SMYD4: variants seen among roughly 807,000 people sequenced by gnomAD.
SMYD4 encodes protein-lysine N-methyltransferase SMYD4.
SMYD4 carries 68 observed loss-of-function variants against 72.8 expected under a neutral mutation model. The ratio of observed to expected loss-of-function variants is 0.93; its 90% CI spans 0.77 to 1.14. The LOEUF (loss-of-function observed/expected upper bound fraction) is 1.14. SMYD4 is among the 50% of genes most tolerant of loss of function. The pLI, the probability that SMYD4 is intolerant of heterozygous loss-of-function variation, is 0.00. For missense variants in SMYD4, 984 were observed against 1,003.7 expected, an observed-to-expected ratio of 0.98 and a Z score of 0.27; for synonymous variants, 407 against 388.6, an observed-to-expected ratio of 1.05 and a Z score of -0.56.
intron 5 of SMYD4, among the ~76,000 whole-genome samples, chr17:1,793,260 G>T (rs1053012718): frequency 2.0e-5 from 3 of 151,636 alleles, no homozygotes; most frequent in African/African-American, 7.2e-5. Flanking sequence ...CTGTATAGTT[G>T]CTAGAGATAT....
Position 1,800,257 on chromosome 17 carries a change from G to A in SMYD4, c.1137C>T (p.Ile379=). The A allele has an allele frequency of 6.2e-7, 1 of 1,614,140 alleles. No homozygotes were observed. The highest frequency in any genetic ancestry group is 8.5e-7 in the Non-Finnish European group (1 of 1,180,042). Residue 379 remains isoleucine (I), a synonymous_variant, in exon 5 of 11, where the codon ATC becomes ATT. Transcript: ENST00000305513. ...KLCDKISNKD[I]CLPESNNQVK... The stretch of plus-strand genomic sequence containing the variant: ...CCTGATTGTTGCTTTCAGGTAAACA[G>A]ATGTCCTTGTTACTAATCTTATCAC...
At chr17:1,816,447 C>T (rs1320579727) in intron 2 of SMYD4, among the ~76,000 whole-genome samples, 4 of 151,430 alleles carry the variant, frequency 2.6e-5, no homozygotes, top group Non-Finnish European at 4.4e-5. Context: ...GTGAAACCCC[C>T]GTCTCTACCA....
chr17:1,825,637 G>A (rs1019260386), intron 2 of SMYD4, among the ~76,000 whole-genome samples: 5 of 151,302 alleles, frequency 3.3e-5, no homozygotes, highest in Admixed American at 2.7e-4. Context: ...TCAGCCTCCT[G>A]AGTAGCTGGG....
chr17:1,794,025 GTA>G (rs1406458055), intron 5 of SMYD4, among the ~76,000 whole-genome samples: 65 of 84,776 alleles, frequency 7.7e-4, no homozygotes, highest in East Asian at 7.6e-4. Context: ...ATATATGTGT[GTA>G]TATATATATG....
At chr17:1,782,222 C>G (rs1284396329) in intron 10 of SMYD4, 1 of 152,176 alleles carries the variant, frequency 6.6e-6, no homozygotes, top group Admixed American at 6.6e-5. Context: ...AGCAGGGTTT[C>G]TCGACCCTGA....
chr17:1,787,612 G>T lies in SMYD4; in HGVS notation c.1538-8C>A. 6.4e-7 allele frequency: 1 copy of T among 1,572,648 alleles called. No individual in the cohort carries two copies. Among genetic ancestry groups the T allele is most frequent in the South Asian group, 1.2e-5 (1 of 85,164 alleles). ...CGATGCTCCCTTTAGGTCCTGAAAG[G>T]GCAAGAGGAAAGAAGGAAAAAGGTG... On this transcript the variant is annotated splice_region_variant and splice_polypyrimidine_tract_variant and intron_variant, in intron 5 of 10. Coordinates refer to ENST00000305513, the MANE Select transcript of SMYD4 (RefSeq NM_052928.3).
chr17:1,829,217 C>T (rs1335554590), intron 1 of SMYD4: 1 of 129,932 alleles, frequency 7.7e-6, no homozygotes, highest in Non-Finnish European at 1.7e-5. Context: ...CTTTCTAATT[C>T]TCAGGTGTCA....
chr17:1,818,614 A>T (rs1271305357), intron 2 of SMYD4, among the ~76,000 whole-genome samples: 1 of 152,060 alleles, frequency 6.6e-6, no homozygotes, highest in Admixed American at 6.6e-5. Context: ...GAATTTAGTT[A>T]TTTCTCTTTA....
In SMYD4 at chr17:1,799,869, T is replaced by G; in HGVS notation, c.1525A>C (p.Ile509Leu). The G allele has an allele frequency of 6.2e-7, 1 of 1,600,020 alleles. No homozygotes were observed. Among genetic ancestry groups the G allele is most frequent in the Non-Finnish European group, 8.5e-7 (1 of 1,171,026 alleles). ...LQCNAQAMTT[I>L]QHTGPKGSIV... ...GGTTCCCTCTTACCTGTGTGTTGTA[T>G]GGTGGTCATCGCCTGAGCGTTACAC... The change falls in exon 5 of 11, where the codon ATA (isoleucine) becomes CTA (leucine). Residue 509 changes from isoleucine to leucine, a missense_variant. Transcript: ENST00000305513.
At chr17:1,801,537 G>T (rs1909755946) in intron 4 of SMYD4, among the ~76,000 whole-genome samples, 1 of 146,462 alleles carries the variant, frequency 6.8e-6, no homozygotes. Context: ...ACTGCGCCCA[G>T]CCCCTGGATT....
intron 1 of SMYD4, among the ~76,000 whole-genome samples, chr17:1,828,751 T>C (rs1911346240): frequency 6.6e-6 from 1 of 151,878 alleles, no homozygotes; most frequent in Non-Finnish European, 1.5e-5. Flanking sequence ...TGCGCGCAAC[T>C]ACGCCCGGCT....
chr17:1,816,246 T>C (rs1407990555), intron 2 of SMYD4, among the ~76,000 whole-genome samples: 1 of 152,188 alleles, frequency 6.6e-6, no homozygotes, highest in Non-Finnish European at 1.5e-5. Context: ...TTTCCTTTTG[T>C]GTCTAACTTA....
intron 2 of SMYD4, among the ~76,000 whole-genome samples, chr17:1,824,786 A>AT (rs113568123): frequency 6.9e-4 from 102 of 148,768 alleles, no homozygotes; most frequent in African/African-American, 2.2e-3. Flanking sequence ...TGCCTGGCTA[A>AT]TTTTTTTTTT....
At chr17:1,806,696 T>C (rs1362308548) in intron 3 of SMYD4, among the ~76,000 whole-genome samples, 1 of 152,194 alleles carries the variant, frequency 6.6e-6, no homozygotes, top group Admixed American at 6.5e-5. Context: ...ATCCTCATTA[T>C]GCTGTTAGTG....
chr17:1,799,858 T>C lies in SMYD4; in HGVS notation c.1536A>G (p.Thr512=). 6.3e-7 allele frequency: 1 copy of C among 1,582,568 alleles called. No homozygotes were observed. Among genetic ancestry groups the C allele is most frequent in the Non-Finnish European group, 8.6e-7 (1 of 1,160,850 alleles). Residue 512 remains threonine (T), a splice_region_variant and synonymous_variant, in exon 5 of 11, where the codon ACA becomes ACG. Coordinates refer to ENST00000305513, the MANE Select transcript of SMYD4 (RefSeq NM_052928.3). ...NAQAMTTIQH[T]GPKGSIVTDS... ...CAGGAACATCAGGTTCCCTCTTACCTGTGTGTTGTATGGTGGTCATCGCCT... is the reference window on the plus strand; with the variant it reads ...CAGGAACATCAGGTTCCCTCTTACCCGTGTGTTGTATGGTGGTCATCGCCT...
At chr17:1,795,572 A>G (rs1597375599) in intron 5 of SMYD4, among the ~76,000 whole-genome samples, 1 of 152,024 alleles carries the variant, frequency 6.6e-6, no homozygotes, top group East Asian at 1.9e-4. Context: ...CCTCCCGTGT[A>G]GCTGGGATTA....
At position 1,827,860 on chromosome 17, in the gene SMYD4, C is replaced by T; in HGVS notation, c.134+1G>A. 3 of 1,597,166 alleles carry T rather than the reference C, an allele frequency of 1.9e-6. No individual in the cohort carries two copies. The highest frequency in any genetic ancestry group is 1.1e-5 in the South Asian group (1 of 90,282). ...CCCTTGTTAAAGCTTGATTTACTTA[C>T]TGAAGAAGTGAAGAGGAGTGAAGAA... is the stretch of plus-strand genomic sequence containing the variant. On this transcript the variant is annotated splice_donor_variant, in intron 2 of 10. Transcript: ENST00000305513. LOFTEE classifies it high-confidence loss of function.
chr17:1,789,572 TG>T (rs1908895871), intron 5 of SMYD4, among the ~76,000 whole-genome samples: 1 of 152,040 alleles, frequency 6.6e-6, no homozygotes, highest in African/African-American at 2.4e-5. Flanking sequence ...AACACCAGCT[TG>T]GCCAACATGG....
At position 1,790,909 on chromosome 17, in the gene SMYD4, G is replaced by A. The variant is rs186438220; in HGVS notation, c.1538-3305C>T. 5.0e-4 allele frequency among the ~76,000 whole-genome samples: 76 copies of A among 151,334 alleles called. No homozygotes were observed. In the East Asian group the frequency reaches 9.9e-3, roughly 20 times the overall value. On this transcript the variant is annotated intron_variant, in intron 5 of 10. Coordinates refer to ENST00000305513, the MANE Select transcript of SMYD4 (RefSeq NM_052928.3). ...TGGGAGGCCCAGGCGGGTGGATCAC[G>A]AGGTCAGGAGATCGAGACCTTCCTG...
Sources: gnomAD v4.1 joint callset for allele counts (sites outside exome capture counted in the v4.1 genomes callset) on GRCh38, gnomAD v4.1.1 for gene constraint, MANE v1.5 for transcripts, NCBI Gene and HGNC (gene_info 2026-07-23, HGNC 2026-07-21) for gene names.